The following PCDH15 variants were observed in gnomAD, a reference collection of about 807,000 sequenced individuals.
PCDH15 encodes protocadherin related 15.
In PCDH15, 129 loss-of-function variants were observed where a neutral mutation model predicts 178.5. The observed-to-expected ratio is 0.72, with a 90% CI of 0.63 to 0.84. The LOEUF is 0.84. Among genes scored for constraint, PCDH15 ranks in the 40% least tolerant of loss-of-function variants. PCDH15 has a pLI of 0.00. For missense variants in PCDH15, 2,230 were observed against 2,099.9 expected (o/e 1.06, Z -1.21); for synonymous variants, 800 against 732.0 (o/e 1.09, Z -1.50).
chr10:54,703,144 A>T (rs779333518), intron 1 of PCDH15, among the ~76,000 whole-genome samples: 34 of 152,118 alleles, frequency 2.2e-4, no homozygotes, highest in Admixed American at 4.6e-4. Context: ...TCATCTCAAT[A>T]GATGCAGAAA....
intron 17 of PCDH15, among the ~76,000 whole-genome samples, chr10:54,076,635 A>C (rs1435432125): frequency 1.3e-5 from 2 of 152,110 alleles, no homozygotes; most frequent in African/African-American, 4.8e-5. Flanking sequence ...AAAAAAAAAT[A>C]AATTACATGA....
intron 2 of PCDH15, among the ~76,000 whole-genome samples, chr10:55,427,148 A>G (rs1289142475): frequency 6.6e-6 from 1 of 152,148 alleles, no homozygotes; most frequent in African/African-American, 2.4e-5. Flanking sequence ...TCCTGTCCCT[A>G]TCACTACAAT....
chr10:55,455,089 T>C (rs1839521788), intron 2 of PCDH15, among the ~76,000 whole-genome samples: 1 of 152,156 alleles, frequency 6.6e-6, no homozygotes, highest in Non-Finnish European at 1.5e-5. Flanking sequence ...TGGTATATTA[T>C]AGTAAAAGTA....
chr10:55,005,824 T>G (rs1839914624), intron 2 of PCDH15, among the ~76,000 whole-genome samples: 1 of 152,120 alleles, frequency 6.6e-6, no homozygotes, highest in Admixed American at 6.5e-5. Context: ...CTTTAAAATC[T>G]AGCTTGGTTA....
At chr10:54,302,934 A>G (rs1175152037) in intron 8 of PCDH15, among the ~76,000 whole-genome samples, 2 of 152,190 alleles carry the variant, frequency 1.3e-5, no homozygotes, top group Non-Finnish European at 2.9e-5. Flanking sequence ...CCCCATAAAT[A>G]TATACACCCA....
At position 54,020,264 on chromosome 10, in the gene PCDH15, A is replaced by C. The variant is rs1312818254; in HGVS notation, c.2679T>G (p.Thr893=). 13 of 1,613,678 alleles carry C rather than the reference A, an allele frequency of 8.1e-6. No individual in the cohort carries two copies. The South Asian group carries it at 1.4e-4, about 18-fold the overall frequency. ...EAFPDQEASI[T]FLVEAFDIYG... ...AAATATCAAAGGCCTCTACCAGAAA[A>C]GTGATACTTGCTTCTTGGTCTGGAA... Residue 893 remains threonine, a synonymous_variant, in exon 20 of 38, where the codon ACT becomes ACG. Transcript: ENST00000644397.
In PCDH15 at chr10:54,800,929, G is replaced by A. The variant is rs1032016890; in HGVS notation, c.-33C>T. 2 of 152,172 alleles carry A rather than the reference G, an allele frequency of 1.3e-5. No homozygotes were observed. The highest frequency in any genetic ancestry group is 6.5e-5 in the Admixed American group (1 of 15,278). The allele number at this position is 152,172 out of a possible 1,614,324, so 9.4% of individuals were successfully genotyped here. ...AAGGGCGGGGGAAGAACTTACTTGCGGTTTAAAGTTTCATCTTTAGTCCAT... is the reference window on the plus strand; with the variant it reads ...AAGGGCGGGGGAAGAACTTACTTGCAGTTTAAAGTTTCATCTTTAGTCCAT... On this transcript the variant is annotated 5_prime_UTR_variant, in exon 1 of 38. Coordinates refer to ENST00000644397, the MANE Select transcript of PCDH15 (RefSeq NM_001384140.1).
At chr10:54,355,187 C>G (rs1422793857) in intron 5 of PCDH15, among the ~76,000 whole-genome samples, 4 of 147,904 alleles carry the variant, frequency 2.7e-5, no homozygotes, top group Non-Finnish European at 5.9e-5. Context: ...GTATCACCTC[C>G]TTTAATCCTC....
intron 6 of PCDH15, among the ~76,000 whole-genome samples, chr10:54,336,320 G>A (rs1941115520): frequency 6.6e-6 from 1 of 152,160 alleles, no homozygotes; most frequent in African/African-American, 2.4e-5. Flanking sequence ...GGAACCAAAT[G>A]TTAATCACCA....
At chr10:53,842,240 G>A (rs1290139849) in intron 28 of PCDH15, among the ~76,000 whole-genome samples, 1 of 152,028 alleles carries the variant, frequency 6.6e-6, no homozygotes, top group African/African-American at 2.4e-5. Flanking sequence ...GTAATCTTAA[G>A]CTCTCAAAGT....
intron 1 of PCDH15, among the ~76,000 whole-genome samples, chr10:55,279,684 C>A (rs1842679268): frequency 6.6e-6 from 1 of 152,082 alleles, no homozygotes; most frequent in African/African-American, 2.4e-5. Flanking sequence ...ACAAATTGAA[C>A]TTAAAAATAG....
At chr10:54,291,375 G>T (rs2059391684) in intron 8 of PCDH15, among the ~76,000 whole-genome samples, 1 of 152,174 alleles carries the variant, frequency 6.6e-6, no homozygotes, top group African/African-American at 2.4e-5. Flanking sequence ...AAGCAGGAAA[G>T]ATCTAAAATC....
intron 1 of PCDH15, among the ~76,000 whole-genome samples, chr10:54,779,505 T>TATATGTGTGTATATATATATACACACAC (rs1566223317): frequency 7.0e-6 from 1 of 141,894 alleles, no homozygotes; most frequent in African/African-American, 2.6e-5. Flanking sequence ...TATACACACA[T>TATATGTGTGTATATATATATACACACAC]ATATGTGTGT....
chr10:54,962,181 T>C (rs1054221034), intron 2 of PCDH15, among the ~76,000 whole-genome samples: 2 of 152,250 alleles, frequency 1.3e-5, no homozygotes, highest in Non-Finnish European at 2.9e-5. Flanking sequence ...AGTGACATGC[T>C]CCTGGACTGT....
intron 2 of PCDH15, among the ~76,000 whole-genome samples, chr10:55,563,901 T>G (rs1301570394): frequency 1.3e-5 from 2 of 151,920 alleles, no homozygotes; most frequent in African/African-American, 4.8e-5. Context: ...GGTAGTTCAT[T>G]AACCGCTATA....
chr10:54,840,952 G>A (rs954815784), intron 3 of PCDH15, among the ~76,000 whole-genome samples: 3 of 151,746 alleles, frequency 2.0e-5, no homozygotes, highest in African/African-American at 7.2e-5. Context: ...ACTGAAGGGA[G>A]AAGTAGACAG....
At chr10:54,868,997 A>T (rs1217371429) in intron 3 of PCDH15, 1 of 152,208 alleles carries the variant, frequency 6.6e-6, no homozygotes. Flanking sequence ...GAAACATTAA[A>T]TTGAAGCTAA....
In PCDH15 at chr10:53,866,852, A is replaced by C; in HGVS notation, c.3507T>G (p.Thr1169=). Residue 1169 remains threonine, a synonymous_variant, in exon 27 of 38, where the codon ACT becomes ACG. Coordinates refer to ENST00000644397, the MANE Select transcript of PCDH15 (RefSeq NM_001384140.1). ...MFTSVLRVKA[T]DKDTGNYSVM... ...CACTATAATTGCCAGTATCTTTATC[A>C]GTAGCCTAGACGGAGGGGAAAAAAA... The C allele has an allele frequency of 6.2e-7, 1 of 1,600,596 alleles. No homozygotes were observed. The highest frequency in any genetic ancestry group is 8.5e-7 in the Non-Finnish European group (1 of 1,170,878).
At chr10:53,812,993 C>T (rs1326932388) in intron 35 of PCDH15, among the ~76,000 whole-genome samples, 1 of 152,120 alleles carries the variant, frequency 6.6e-6, no homozygotes, top group Non-Finnish European at 1.5e-5. Flanking sequence ...CTCAGTTGTG[C>T]TTGGTGTGGC....
Sources: allele counts gnomAD v4.1 joint callset (sites outside exome capture counted in the v4.1 genomes callset), GRCh38; gene constraint gnomAD v4.1.1; transcripts MANE v1.5; gene names NCBI Gene and HGNC (gene_info 2026-07-23, HGNC 2026-07-21).